The following CHCHD3 variants were observed in gnomAD, a reference collection of about 807,000 sequenced individuals.
CHCHD3 encodes coiled-coil-helix-coiled-coil-helix domain containing 3.
CHCHD3 carries 20 observed loss-of-function variants against 38.2 expected under a neutral mutation model. The observed-to-expected ratio is 0.52, with a 90% CI of 0.37 to 0.76. The LOEUF (loss-of-function observed/expected upper bound fraction) is 0.76, where lower values mean the gene tolerates loss of function less well. Among genes scored for constraint, CHCHD3 ranks in the 30% least tolerant of loss-of-function variants. The pLI is 0.00. For synonymous variants in CHCHD3, 82 were observed against 100.0 expected, an observed-to-expected ratio of 0.82 and a Z score of 1.07; for missense variants, 245 against 279.2, an observed-to-expected ratio of 0.88 and a Z score of 0.87.
At chr7:132,931,720 T>C (rs1810519476) in intron 4 of CHCHD3, among the ~76,000 whole-genome samples, 1 of 152,206 alleles carries the variant, frequency 6.6e-6, no homozygotes, top group African/African-American at 2.4e-5. Flanking sequence ...TATATCATTT[T>C]TCTGATTCAA....
chr7:132,830,805 C>T (rs934784094), intron 6 of CHCHD3: 11 of 152,068 alleles, frequency 7.2e-5, no homozygotes, highest in African/African-American at 2.7e-4. Context: ...ACAAATAACT[C>T]GAAACTTCTA....
intron 2 of CHCHD3, among the ~76,000 whole-genome samples, chr7:133,029,773 C>A (rs1813449793): frequency 6.6e-6 from 1 of 152,076 alleles, no homozygotes; most frequent in Admixed American, 6.5e-5. Context: ...TCAGCCCTGC[C>A]ACTTGCTGTG....
intron 6 of CHCHD3, among the ~76,000 whole-genome samples, chr7:132,818,322 C>T (rs1267549124): frequency 6.6e-6 from 1 of 152,174 alleles, no homozygotes; most frequent in Non-Finnish European, 1.5e-5. Context: ...GGGGCTGCCA[C>T]TAATGCAAGC....
At position 132,885,645 on chromosome 7, in the gene CHCHD3, AT is replaced by A; in HGVS notation, c.453+16del. 1 of 1,571,448 alleles carries A rather than the reference AT, an allele frequency of 6.4e-7. No individual in the cohort carries two copies. The highest frequency in any genetic ancestry group is 1.2e-5 in the South Asian group (1 of 84,242). The stretch of plus-strand genomic sequence containing the variant: ...AGCAGATGTGGTAATAGAATCAATG[AT>A]AAAAAATAGTCATACCCTCTCCTCC... On this transcript the variant is annotated intron_variant, in intron 5 of 7. Coordinates refer to ENST00000262570, the MANE Select transcript of CHCHD3 (RefSeq NM_017812.4).
At chr7:132,944,699 T>C (rs1189866611) in intron 4 of CHCHD3, among the ~76,000 whole-genome samples, 1 of 151,936 alleles carries the variant, frequency 6.6e-6, no homozygotes, top group Non-Finnish European at 1.5e-5. Context: ...CAGAAGTATA[T>C]ATGCATGGTA....
At chr7:132,945,822 G>A (rs1056225897) in intron 4 of CHCHD3, among the ~76,000 whole-genome samples, 3 of 151,870 alleles carry the variant, frequency 2.0e-5, no homozygotes, top group African/African-American at 2.4e-5. Context: ...AAAGAAAATG[G>A]TATAATGTGC....
rs150602307 is a variant in CHCHD3, at chr7:132,905,902, G to A, written c.370-20157C>T. ...AATAGCTGCATGAAAATATATTCAC[G>A]GAAAGTAACAGACAAATATATTAAG... On this transcript the variant is annotated intron_variant, in intron 4 of 7. Transcript: ENST00000262570. 2.2e-3 allele frequency among the ~76,000 whole-genome samples: 332 copies of A among 152,170 alleles called. 2 individuals are homozygous for A. Among genetic ancestry groups the A allele is most frequent in the African/African-American group, 7.8e-3 (324 of 41,520 alleles).
intron 4 of CHCHD3, among the ~76,000 whole-genome samples, chr7:132,957,423 G>T (rs1474660761): frequency 2.0e-5 from 3 of 152,044 alleles, no homozygotes; most frequent in Admixed American, 6.6e-5. Flanking sequence ...TCTGATGAGG[G>T]TCTCACCTCA....
chr7:132,917,790 C>CA (rs1810148270), intron 4 of CHCHD3, among the ~76,000 whole-genome samples: 2 of 129,684 alleles, frequency 1.5e-5, no homozygotes, highest in African/African-American at 5.9e-5. Context: ...ACTCGGGAGG[C>CA]GGAGCTTGCA....
chr7:132,955,037 T>C (rs920744796), intron 4 of CHCHD3, among the ~76,000 whole-genome samples: 3 of 152,084 alleles, frequency 2.0e-5, no homozygotes, highest in African/African-American at 7.2e-5. Flanking sequence ...TAACTGCAAC[T>C]GGGGAAGAGT....
Position 132,994,517 on chromosome 7 carries a change from T to C in CHCHD3, c.252-19231A>G, listed in dbSNP as rs141779192. On this transcript the variant is annotated intron_variant, in intron 3 of 7. Coordinates refer to ENST00000262570, the MANE Select transcript of CHCHD3 (RefSeq NM_017812.4). ...AAGAGTGATATCCGTTTTTGAAAGC[T>C]AGGAGTCTAATGAAGTTATATGAGA... Among the ~76,000 whole-genome samples, 880 of 152,256 alleles carry C rather than the reference T, an allele frequency of 5.8e-3. 8 individuals carry two copies. Among genetic ancestry groups the C allele is most frequent in the Non-Finnish European group, 6.2e-3 (425 of 68,008 alleles).
chr7:132,791,806 C>T (rs1281066055), intron 7 of CHCHD3, among the ~76,000 whole-genome samples: 1 of 152,152 alleles, frequency 6.6e-6, no homozygotes, highest in Admixed American at 6.5e-5. Flanking sequence ...ACGGGGTGCA[C>T]TAGCCTTAAG....
intron 4 of CHCHD3, among the ~76,000 whole-genome samples, chr7:132,958,530 A>G (rs1226184043): frequency 6.6e-6 from 1 of 152,248 alleles, no homozygotes; most frequent in Non-Finnish European, 1.5e-5. Context: ...TCTATTAAAC[A>G]GCACACTGTA....
chr7:132,914,827 A>C lies in CHCHD3; in HGVS notation c.370-29082T>G, dbSNP rs190309677. On this transcript the variant is annotated intron_variant, in intron 4 of 7. Coordinates refer to ENST00000262570, the MANE Select transcript of CHCHD3 (RefSeq NM_017812.4). ...ACAACTTGGAAACGATGAGGAAGAA[A>C]GCTTCACTGAGAAAGCGAAAATAAA... 4.6e-3 allele frequency among the ~76,000 whole-genome samples: 706 copies of C among 152,262 alleles called. 8 individuals carry two copies. Among genetic ancestry groups the C allele is most frequent in the Non-Finnish European group, 5.0e-3 (341 of 68,010 alleles).
At chr7:132,814,040 G>C (rs1807139574) in intron 6 of CHCHD3, among the ~76,000 whole-genome samples, 1 of 152,152 alleles carries the variant, frequency 6.6e-6, no homozygotes, top group Non-Finnish European at 1.5e-5. Context: ...AAGCAGTGAG[G>C]GGAACTCAAC....
intron 6 of CHCHD3, chr7:132,815,613 T>C (rs1284038535): frequency 2.2e-6 from 1 of 455,840 alleles, no homozygotes; most frequent in Non-Finnish European, 4.4e-6. Context: ...TTTTGTGATA[T>C]TTCATTTCAC....
intron 6 of CHCHD3, among the ~76,000 whole-genome samples, chr7:132,834,593 A>G (rs1447195040): frequency 6.6e-6 from 1 of 152,188 alleles, no homozygotes; most frequent in Non-Finnish European, 1.5e-5. Context: ...AATTCACTGA[A>G]AGAACTCAGA....
At chr7:132,801,107 C>T (rs1806780989) in intron 6 of CHCHD3, among the ~76,000 whole-genome samples, 1 of 152,102 alleles carries the variant, frequency 6.6e-6, no homozygotes, top group Admixed American at 6.5e-5. Context: ...AGGCACATTG[C>T]CAATATTTAA....
chr7:132,910,829 G>A (rs1809929696), intron 4 of CHCHD3, among the ~76,000 whole-genome samples: 1 of 152,144 alleles, frequency 6.6e-6, no homozygotes, highest in African/African-American at 2.4e-5. Context: ...ACCCTACCGA[G>A]TCTGAGTAAG....
Sources: allele counts gnomAD v4.1 joint callset (sites outside exome capture counted in the v4.1 genomes callset), GRCh38; gene constraint gnomAD v4.1.1; transcripts MANE v1.5; gene names NCBI Gene and HGNC (gene_info 2026-07-23, HGNC 2026-07-21).